ANP32A: variants seen among roughly 807,000 people sequenced by gnomAD.
The protein encoded by ANP32A is acidic nuclear phosphoprotein 32 family member A.
Under a neutral mutation model 33.9 loss-of-function variants are expected in ANP32A, and 1 was observed. The ratio of observed to expected loss-of-function variants is 0.03; its 90% CI spans 0.01 to 0.14. ANP32A has a LOEUF of 0.14. ANP32A is among the 10% of genes least tolerant of loss of function. ANP32A has a pLI of 1.00. For missense variants in ANP32A, 155 were observed against 306.0 expected, an observed-to-expected ratio of 0.51 and a Z score of 3.68; for synonymous variants, 115 against 120.5, an observed-to-expected ratio of 0.95 and a Z score of 0.30.
chr15:68,800,471 G>A lies in ANP32A; in HGVS notation c.55-12552C>T, dbSNP rs367956149. 5.9e-5 allele frequency among the ~76,000 whole-genome samples: 9 copies of A among 151,472 alleles called. No individual in the cohort carries two copies. The South Asian group carries it at 6.3e-4, about 11-fold the overall frequency. On this transcript the variant is annotated intron_variant, in intron 1 of 6. Coordinates refer to ENST00000465139, the MANE Select transcript of ANP32A (RefSeq NM_006305.4). ...AAAAAAGGACAGAAAGGCACCGGGC[G>A]CGGTGGCTCACGCCTGTAATCCCAG... is the stretch of plus-strand genomic sequence containing the variant.
chr15:68,804,049 C>G (rs1307985179), intron 1 of ANP32A, among the ~76,000 whole-genome samples: 3 of 152,108 alleles, frequency 2.0e-5, no homozygotes, highest in Non-Finnish European at 4.4e-5. Context: ...ATCCACCCAC[C>G]TCGGCCTCCC....
chr15:68,818,649 G>C (rs1354183342), intron 1 of ANP32A, among the ~76,000 whole-genome samples: 1 of 152,056 alleles, frequency 6.6e-6, no homozygotes, highest in East Asian at 1.9e-4. Context: ...GAAGTTTAAA[G>C]AGCCGGTTCG....
chr15:68,803,950 C>T (rs1048285309), intron 1 of ANP32A, among the ~76,000 whole-genome samples: 17 of 151,808 alleles, frequency 1.1e-4, no homozygotes, highest in Admixed American at 1.1e-3. Context: ...TACAGGCGTG[C>T]ACCACCAAGC....
intron 1 of ANP32A, among the ~76,000 whole-genome samples, chr15:68,801,124 G>C (rs1000220833): frequency 5.3e-5 from 8 of 149,946 alleles, no homozygotes; most frequent in African/African-American, 2.0e-4. Flanking sequence ...GGCAATGCAA[G>C]AAGAATTGCT....
chr15:68,804,284 T>C (rs1375405958), intron 1 of ANP32A, among the ~76,000 whole-genome samples: 3 of 152,160 alleles, frequency 2.0e-5, no homozygotes, highest in African/African-American at 7.2e-5. Context: ...AGATTCCAGG[T>C]TGGATGACCT....
chr15:68,793,549 C>G (rs553946326), intron 1 of ANP32A, among the ~76,000 whole-genome samples: 2 of 152,058 alleles, frequency 1.3e-5, no homozygotes, highest in Non-Finnish European at 2.9e-5. Context: ...GTGTGGTGGC[C>G]GGCTGGGAGG....
intron 1 of ANP32A, among the ~76,000 whole-genome samples, chr15:68,815,141 T>C (rs1292558658): frequency 6.6e-6 from 1 of 152,122 alleles, no homozygotes; most frequent in Non-Finnish European, 1.5e-5. Context: ...ACAGAACACA[T>C]AAAAGGACTT....
chr15:68,803,921 C>A (rs1398353465), intron 1 of ANP32A, among the ~76,000 whole-genome samples: 2 of 151,002 alleles, frequency 1.3e-5, no homozygotes, highest in Middle Eastern at 3.4e-3. Context: ...CCTGCCTCAG[C>A]CTCCTGAGTA....
At chr15:68,786,741 C>G (rs1254872056) in intron 3 of ANP32A, among the ~76,000 whole-genome samples, 1 of 152,110 alleles carries the variant, frequency 6.6e-6, no homozygotes, top group Non-Finnish European at 1.5e-5. Flanking sequence ...CATGACCTGC[C>G]CCTTTCTGGC....
At chr15:68,799,240 A>G (rs1596069430) in intron 1 of ANP32A, among the ~76,000 whole-genome samples, 1 of 152,200 alleles carries the variant, frequency 6.6e-6, no homozygotes. Flanking sequence ...CAAGGAAACT[A>G]TGGGGAACTG....
At chr15:68,785,569 C>A (rs1893921242) in intron 3 of ANP32A, among the ~76,000 whole-genome samples, 2 of 152,168 alleles carry the variant, frequency 1.3e-5, no homozygotes. Context: ...AGACCTGGGT[C>A]ATTCTCAGCA....
intron 3 of ANP32A, among the ~76,000 whole-genome samples, chr15:68,785,186 C>T (rs1231891976): frequency 6.6e-6 from 1 of 152,158 alleles, no homozygotes; most frequent in Non-Finnish European, 1.5e-5. Context: ...CAGACCTGTG[C>T]TCTTACTCTT....
chr15:68,779,266 T>G lies in ANP32A; in HGVS notation c.*815A>C, dbSNP rs1002825207. On this transcript the variant is annotated 3_prime_UTR_variant, in exon 7 of 7. Coordinates refer to ENST00000465139, the MANE Select transcript of ANP32A (RefSeq NM_006305.4). ...CACAGAAGTACATGTGGAAGAATTC[T>G]CTCATCATTTTTTGTAAAACAAAGC... The G allele has an allele frequency of 1.3e-5, 2 of 152,086 alleles. No homozygotes were observed. Among genetic ancestry groups the G allele is most frequent in the Admixed American group, 1.3e-4 (2 of 15,280 alleles). The allele number at this position is 152,086 out of a possible 1,614,324, so 9.4% of individuals were successfully genotyped here. A position where few individuals can be genotyped will look rare whatever the true frequency, so the allele number is the denominator to read the frequency against.
At chr15:68,802,300 T>C (rs2924633) in intron 1 of ANP32A, among the ~76,000 whole-genome samples, 64,162 of 152,076 alleles carry the variant, frequency 0.42, 13,876 homozygotes, top group Middle Eastern at 0.56. Flanking sequence ...CTCTCTAGAA[T>C]GTTCACACAC....
At position 68,820,756 on chromosome 15, in the gene ANP32A, C is replaced by T. The variant is rs561580813; in HGVS notation, c.-5G>A. ...AATCCGTCTGCCCATCTCCATCTCT[C>T]GCGCTCTCTCTCTGCAGAGGCTCCC... On this transcript the variant is annotated 5_prime_UTR_variant, in exon 1 of 7. Transcript: ENST00000465139. The T allele has an allele frequency of 4.6e-5, 75 of 1,614,164 alleles. 1 individual carries two copies. The South Asian group carries it at 7.5e-4, about 16-fold the overall frequency.
chr15:68,796,028 G>C (rs1444740816), intron 1 of ANP32A, among the ~76,000 whole-genome samples: 3 of 152,146 alleles, frequency 2.0e-5, no homozygotes, highest in African/African-American at 7.2e-5. Flanking sequence ...GTGGAAAAGG[G>C]GAGATGAAGG....
intron 1 of ANP32A, among the ~76,000 whole-genome samples, chr15:68,805,967 A>G (rs1426379649): frequency 6.6e-6 from 1 of 152,190 alleles, no homozygotes; most frequent in African/African-American, 2.4e-5. Flanking sequence ...GCATTCATCA[A>G]TGTGTGTGGA....
At chr15:68,786,821 C>A (rs1893939337) in intron 3 of ANP32A, among the ~76,000 whole-genome samples, 1 of 152,186 alleles carries the variant, frequency 6.6e-6, no homozygotes, top group Admixed American at 6.5e-5. Flanking sequence ...AAATGCTACC[C>A]AGGCCCCTGA....
rs1265018084 is a variant in ANP32A, at chr15:68,779,676, T to C, written c.*405A>G. On this transcript the variant is annotated 3_prime_UTR_variant, in exon 7 of 7. Transcript: ENST00000465139. ...GCTGGTGCTCAGCCCCTCCTGGGCA[T>C]TGAGTAACCAAACTGAGACCAGCCA... 2 of 174,078 alleles carry C rather than the reference T, an allele frequency of 1.1e-5. No homozygotes were observed. Among genetic ancestry groups the C allele is most frequent in the African/African-American group, 2.4e-5 (1 of 41,988 alleles). 10.8% of individuals were successfully genotyped at this position (174,078 alleles called of 1,614,324 possible).
Sources: gnomAD v4.1 joint callset for allele counts (sites outside exome capture counted in the v4.1 genomes callset) on GRCh38, gnomAD v4.1.1 for gene constraint, MANE v1.5 for transcripts, NCBI Gene and HGNC (gene_info 2026-07-23, HGNC 2026-07-21) for gene names.